The following KLF9 variants were observed in gnomAD, a reference collection of about 807,000 sequenced individuals.
KLF9 encodes the protein KLF transcription factor 9.
A neutral mutation model predicts 17.3 loss-of-function variants in KLF9; 2 were observed. The observed-to-expected ratio is 0.12, with a 90% CI of 0.05 to 0.36. The LOEUF (loss-of-function observed/expected upper bound fraction) is 0.36, where lower values mean the gene tolerates loss of function less well. Among genes scored for constraint, KLF9 ranks in the 10% least tolerant of loss-of-function variants. The probability of loss-of-function intolerance (pLI) is 1.00; values close to 1 mark genes in which losing one functional copy is unlikely to be tolerated. For missense variants in KLF9, 226 were observed against 333.2 expected (o/e 0.68, Z 2.51); for synonymous variants, 138 against 139.2 (o/e 0.99, Z 0.06).
intron 1 of KLF9, among the ~76,000 whole-genome samples, chr9:70,391,280 C>G (rs1403032286): frequency 2.6e-5 from 4 of 152,176 alleles, no homozygotes; most frequent in Admixed American, 6.5e-5. Context: ...AATAGGAGAA[C>G]TATTAAGTTT....
chr9:70,406,405 C>T (rs2037255053), intron 1 of KLF9, among the ~76,000 whole-genome samples: 2 of 152,182 alleles, frequency 1.3e-5, no homozygotes, highest in Admixed American at 1.3e-4. Flanking sequence ...CCCCATCTCT[C>T]TGAGAAAGGG....
intron 1 of KLF9, among the ~76,000 whole-genome samples, chr9:70,397,945 G>A (rs376145771): frequency 4.6e-5 from 7 of 152,292 alleles, no homozygotes; most frequent in East Asian, 3.9e-4. Flanking sequence ...CGGAAGAGGT[G>A]TGCAGGCCAT....
intron 1 of KLF9, among the ~76,000 whole-genome samples, chr9:70,412,508 C>A (rs1343145921): frequency 6.6e-6 from 1 of 152,136 alleles, no homozygotes; most frequent in Non-Finnish European, 1.5e-5. Context: ...CTGACTTCCC[C>A]GCTGCCAGCG....
In KLF9 at chr9:70,409,072, G is replaced by GTGTA. The variant is rs1554708115; in HGVS notation, c.505+3786_505+3787insTACA. Among the ~76,000 whole-genome samples the GTGTA allele has an allele frequency of 3.1e-4, 32 of 102,834 alleles. 4 individuals are homozygous for GTGTA. Among genetic ancestry groups the GTGTA allele is most frequent in the Admixed American group, 5.7e-4 (5 of 8,726 alleles). 67.5% of individuals were successfully genotyped at this position (102,834 alleles called of 152,430 possible). The stretch of plus-strand genomic sequence containing the variant: ...TATACATATATGTGTATATATATGT[G>GTGTA]TATATATATACACATATATGTATAT... On this transcript the variant is annotated intron_variant, in intron 1 of 1. Coordinates refer to ENST00000377126, the MANE Select transcript of KLF9 (RefSeq NM_001206.4).
intron 1 of KLF9, among the ~76,000 whole-genome samples, chr9:70,390,780 C>T (rs2037148510): frequency 6.6e-6 from 1 of 152,092 alleles, no homozygotes; most frequent in Non-Finnish European, 1.5e-5. Flanking sequence ...CCTCTTTAAC[C>T]CCAGTGAAGC....
At position 70,385,316 on chromosome 9, in the gene KLF9, T is replaced by TA. The variant is rs2037102114; in HGVS notation, c.*2459dup. 1 of 152,634 alleles carries TA rather than the reference T, an allele frequency of 6.6e-6. No homozygotes were observed. The highest frequency in any genetic ancestry group is 2.4e-5 in the African/African-American group (1 of 41,454). 9.5% of individuals were successfully genotyped at this position (152,634 alleles called of 1,614,324 possible). ...TTTTGTGACATTTTAAAACAGGATT[T>TA]AATCACAAAGAATAAAAAGGCTTGA... On this transcript the variant is annotated 3_prime_UTR_variant, in exon 2 of 2. Coordinates refer to ENST00000377126, the MANE Select transcript of KLF9 (RefSeq NM_001206.4).
At chr9:70,400,157 G>A (rs1431550916) in intron 1 of KLF9, among the ~76,000 whole-genome samples, 1 of 152,146 alleles carries the variant, frequency 6.6e-6, no homozygotes, top group East Asian at 1.9e-4. Flanking sequence ...GCTGAGAGGG[G>A]TCTCAGTGTG....
At chr9:70,409,034 A>G (rs10283598) in intron 1 of KLF9, among the ~76,000 whole-genome samples, 1,474 of 98,992 alleles carry the variant, frequency 0.015, 21 homozygotes, top group Middle Eastern at 0.034. Context: ...ATATATATAT[A>G]TGTGTATATA....
At chr9:70,388,098 A>G (rs2037126924) in intron 1 of KLF9, 93 bp from the exon 2 acceptor site, 3 of 984,374 alleles carry the variant, frequency 3.0e-6, no homozygotes, top group South Asian at 3.0e-5. Flanking sequence ...GACTCAAAGG[A>G]TAAATCCCTC....
intron 1 of KLF9, among the ~76,000 whole-genome samples, chr9:70,389,128 G>A (rs1055920312): frequency 2.0e-5 from 3 of 151,550 alleles, no homozygotes; most frequent in South Asian, 2.1e-4. Flanking sequence ...GCGACAGAGT[G>A]AGACTCTGTC....
chr9:70,397,340 T>G (rs902617306), intron 1 of KLF9, among the ~76,000 whole-genome samples: 8 of 151,984 alleles, frequency 5.3e-5, no homozygotes, highest in African/African-American at 1.9e-4. Context: ...CCAGGCATGG[T>G]GGCACATGCC....
chr9:70,403,015 T>TG (rs1236871436), intron 1 of KLF9, among the ~76,000 whole-genome samples: 1 of 151,858 alleles, frequency 6.6e-6, no homozygotes, highest in Admixed American at 6.6e-5. Flanking sequence ...CCTGGCATGG[T>TG]GGGGTGTGGC....
At chr9:70,404,082 C>T (rs2037241519) in intron 1 of KLF9, among the ~76,000 whole-genome samples, 1 of 152,182 alleles carries the variant, frequency 6.6e-6, no homozygotes, top group African/African-American at 2.4e-5. Flanking sequence ...AACTAACTCC[C>T]AGTCTGATTC....
At chr9:70,410,791 T>C (rs2037306159) in intron 1 of KLF9, among the ~76,000 whole-genome samples, 1 of 152,226 alleles carries the variant, frequency 6.6e-6, no homozygotes, top group Non-Finnish European at 1.5e-5. Context: ...AACTTCCAAA[T>C]GCATGAGACC....
chr9:70,397,233 G>A lies in KLF9; in HGVS notation c.506-9228C>T, dbSNP rs372607120. ...GTAAACACCTGTAATCCAGCACTTT[G>A]GGAGGCCAAGGGGGGTGGATCGCTT... On this transcript the variant is annotated intron_variant, in intron 1 of 1. Transcript: ENST00000377126. 2.5e-4 allele frequency among the ~76,000 whole-genome samples: 38 copies of A among 152,220 alleles called. No individual in the cohort carries two copies. In the Middle Eastern group the frequency reaches 0.01, roughly 41 times the overall value.
intron 1 of KLF9, among the ~76,000 whole-genome samples, chr9:70,404,293 A>G (rs960277420): frequency 2.6e-5 from 4 of 152,224 alleles, no homozygotes; most frequent in African/African-American, 4.8e-5. Context: ...TAAGTCACTC[A>G]ATAAATAATT....
Position 70,413,521 on chromosome 9 carries a change from A to C in KLF9, c.-158T>G. 1 of 680,338 alleles carries C rather than the reference A, an allele frequency of 1.5e-6. No individual in the cohort carries two copies. The highest frequency in any genetic ancestry group is 2.0e-6 in the Non-Finnish European group (1 of 503,546). The allele number at this position is 680,338 out of a possible 1,614,324, so 42.1% of individuals were successfully genotyped here. ...GCGCGGGGCGCTTCCGACTCGCAGG[A>C]GCGCCGAGGCGACCTCAGCCCCTCA... On this transcript the variant is annotated 5_prime_UTR_variant, in exon 1 of 2. Transcript: ENST00000377126. The surrounding 1 kb of genome is among the most constrained non-coding windows in gnomAD (Gnocchi z 5.6).
intron 1 of KLF9, among the ~76,000 whole-genome samples, chr9:70,391,989 A>G (rs549951163): frequency 6.6e-6 from 1 of 152,320 alleles, no homozygotes; most frequent in East Asian, 1.9e-4. Context: ...ATTTACTATC[A>G]GGACCTTTTG....
At chr9:70,400,933 C>T (rs2037216555) in intron 1 of KLF9, among the ~76,000 whole-genome samples, 1 of 152,144 alleles carries the variant, frequency 6.6e-6, no homozygotes, top group South Asian at 2.1e-4. Context: ...AGTCCCCACT[C>T]AACCCTCCCC....
Sources: gnomAD v4.1 joint callset for allele counts (sites outside exome capture counted in the v4.1 genomes callset) on GRCh38, gnomAD v4.1.1 for gene constraint, Gnocchi (gnomAD v3.1) non-coding constraint, MANE v1.5 for transcripts, NCBI Gene and HGNC (gene_info 2026-07-23, HGNC 2026-07-21) for gene names.